RC3H1: variants seen among roughly 807,000 people sequenced by gnomAD.
The protein encoded by RC3H1 is roquin-1.
Under a neutral mutation model 138.2 loss-of-function variants are expected in RC3H1, and 50 were observed. That is an observed-to-expected ratio of 0.36 (90% CI 0.29 to 0.46). RC3H1 has a LOEUF of 0.46. RC3H1 is among the 20% of genes least tolerant of loss of function. The pLI is 1.00. For missense variants in RC3H1, 1,031 were observed against 1,388.1 expected (o/e 0.74, Z 4.09); for synonymous variants, 462 against 489.1 (o/e 0.94, Z 0.73).
At chr1:173,946,887 T>C in intron 15 of RC3H1, 51 bp from the exon 16 acceptor site, 1 of 1,257,422 alleles carries the variant, frequency 8.0e-7, no homozygotes, top group Non-Finnish European at 1.2e-6. Flanking sequence ...GATTCTTCTT[T>C]TAAGGTATTC....
intron 19 of RC3H1, among the ~76,000 whole-genome samples, chr1:173,939,528 C>CAAAA (rs61301994): frequency 1.1e-4 from 4 of 35,946 alleles, no homozygotes; most frequent in Non-Finnish European, 1.5e-4. Flanking sequence ...GAGATTTTAT[C>CAAAA]AAAAAAAAAA....
intron 13 of RC3H1, among the ~76,000 whole-genome samples, chr1:173,960,485 G>A (rs1406581573): frequency 6.6e-6 from 1 of 152,128 alleles, no homozygotes; most frequent in Non-Finnish European, 1.5e-5. Flanking sequence ...AATTCAGTGT[G>A]TATTTGATGA....
chr1:173,955,611 G>A (rs1020604448), intron 13 of RC3H1, among the ~76,000 whole-genome samples: 8 of 151,744 alleles, frequency 5.3e-5, no homozygotes, highest in African/African-American at 1.2e-4. Flanking sequence ...GAGCCACCGC[G>A]CCCGGCCAAT....
Position 173,983,548 on chromosome 1 carries a change from G to T in RC3H1, c.462C>A (p.Ala154=). 1 of 1,614,178 alleles carries T rather than the reference G, an allele frequency of 6.2e-7. No individual in the cohort carries two copies. The highest frequency in any genetic ancestry group is 8.5e-7 in the Non-Finnish European group (1 of 1,180,034). ...CACCTAAAGATCGAGCTGCCCTCAT[G>T]GCACGAATCCTGCCTTCTTCTTCTA... ...QLVEEEGRIR[A]MRAARSLGER... is the part of the protein sequence containing the mutation. The change falls in exon 4 of 20, where the codon GCC becomes GCA. Residue 154 remains alanine (A), a synonymous_variant. Coordinates refer to ENST00000367696, the MANE Select transcript of RC3H1 (RefSeq NM_172071.4).
intron 17 of RC3H1, among the ~76,000 whole-genome samples, chr1:173,945,815 C>T (rs555583678): frequency 6.6e-6 from 1 of 151,852 alleles, no homozygotes; most frequent in Non-Finnish European, 1.5e-5. Flanking sequence ...TCACACGATT[C>T]TCCTGCCTCA....
chr1:174,012,283 A>C (rs2103097493), intron 1 of RC3H1, among the ~76,000 whole-genome samples: 1 of 152,258 alleles, frequency 6.6e-6, no homozygotes, highest in African/African-American at 2.4e-5. Context: ...CATCGAGAGA[A>C]TCAGCTATTT....
chr1:173,999,392 AGAG>A lies in RC3H1; in HGVS notation c.-150-6260_-150-6258del, dbSNP rs760130100. Among the ~76,000 whole-genome samples the A allele has an allele frequency of 2.8e-4, 41 of 144,280 alleles. 3 individuals carry two copies. Among genetic ancestry groups the A allele is most frequent in the African/African-American group, 4.3e-4 (16 of 37,162 alleles). The allele number at this position is 144,280 out of a possible 152,430, so 94.7% of individuals were successfully genotyped here. A position where few individuals can be genotyped will look rare whatever the true frequency, so the allele number is the denominator to read the frequency against. On this transcript the variant is annotated intron_variant, in intron 1 of 19. Coordinates refer to ENST00000367696, the MANE Select transcript of RC3H1 (RefSeq NM_172071.4). ...CAAAACTCCACCAAAAAAAAAAAAAAGAGAGAGAGAGAAAGAAAGATATGAATT... is the reference window on the plus strand; with the variant it reads ...CAAAACTCCACCAAAAAAAAAAAAAAAGAGAGAGAAAGAAAGATATGAATT...
chr1:173,955,292 C>A (rs913383578), intron 13 of RC3H1, among the ~76,000 whole-genome samples: 3 of 142,414 alleles, frequency 2.1e-5, no homozygotes, highest in African/African-American at 8.0e-5. Context: ...ACAACAACAA[C>A]ATCACGTTTG....
At chr1:173,962,486 G>T (rs529036878) in intron 11 of RC3H1, among the ~76,000 whole-genome samples, 5 of 152,342 alleles carry the variant, frequency 3.3e-5, no homozygotes, top group Admixed American at 6.5e-5. Context: ...AGGAGACATG[G>T]AACACAAAAG....
At chr1:174,003,912 C>T (rs1247735859) in intron 1 of RC3H1, among the ~76,000 whole-genome samples, 1 of 151,776 alleles carries the variant, frequency 6.6e-6, no homozygotes, top group African/African-American at 2.4e-5. Context: ...CCGCCCACCT[C>T]GGCCTCCCAA....
Position 173,964,012 on chromosome 1 carries a change from C to G in RC3H1, c.1792G>C (p.Gly598Arg). The change falls in exon 11 of 20, where the codon GGA becomes CGA. Residue 598 changes from glycine to arginine, a missense_variant. By Grantham distance (125) the Gly-to-Arg change is moderately radical. Transcript: ENST00000367696. Reference protein sequence around the residue: ...QTDVYYQDPRGAAPPFEPAPY... With the variant: ...QTDVYYQDPRRAAPPFEPAPY... ...GCTGGTTCAAATGGCGGAGCTGCTC[C>G]TCGAGGATCCTGATAATAAACATCC... The G allele has an allele frequency of 6.2e-7, 1 of 1,614,122 alleles. No homozygotes were observed. The highest frequency in any genetic ancestry group is 1.1e-5 in the South Asian group (1 of 91,082).
At chr1:173,972,090 T>C (rs1037011321) in intron 8 of RC3H1, among the ~76,000 whole-genome samples, 3 of 152,120 alleles carry the variant, frequency 2.0e-5, no homozygotes, top group African/African-American at 7.2e-5. Context: ...TAAGAAAATC[T>C]ATAGAAATTT....
At chr1:173,999,077 C>A (rs1262818256) in intron 1 of RC3H1, among the ~76,000 whole-genome samples, 2 of 142,850 alleles carry the variant, frequency 1.4e-5, no homozygotes, top group Non-Finnish European at 1.5e-5. Context: ...CTGGGCAACA[C>A]AGAGAAACCC....
chr1:174,014,127 C>T (rs1056062835), intron 1 of RC3H1, among the ~76,000 whole-genome samples: 2 of 152,142 alleles, frequency 1.3e-5, no homozygotes, highest in Admixed American at 1.3e-4. Flanking sequence ...CTGCACGATT[C>T]TAGAATAGTG....
rs1040243540 is a variant in RC3H1 at position 173,996,487 on chromosome 1, T to C, written c.-150-3352A>G. 3.5e-4 allele frequency among the ~76,000 whole-genome samples: 54 copies of C among 152,200 alleles called. 1 individual carries two copies. The highest frequency in any genetic ancestry group is 1.3e-3 in the African/African-American group (52 of 41,424). On this transcript the variant is annotated intron_variant, in intron 1 of 19. Coordinates refer to ENST00000367696, the MANE Select transcript of RC3H1 (RefSeq NM_172071.4). ...CAACTTGAACAATCAGCCTGTTTTA[T>C]AGCCTCCTGCCTTGCAGCCTATTTT...
intron 9 of RC3H1, among the ~76,000 whole-genome samples, chr1:173,968,569 T>C (rs1436417786): frequency 1.3e-5 from 2 of 152,158 alleles, no homozygotes; most frequent in Non-Finnish European, 2.9e-5. Flanking sequence ...TCTTACTAAA[T>C]TCTCATTTCT....
chr1:173,965,580 A>G (rs1660079720), intron 9 of RC3H1, among the ~76,000 whole-genome samples: 1 of 132,184 alleles, frequency 7.6e-6, no homozygotes, highest in Non-Finnish European at 1.5e-5. Context: ...ACAGAGCGAG[A>G]TTCTGTCTCA....
chr1:173,976,637 G>T (rs1007478023), intron 7 of RC3H1, among the ~76,000 whole-genome samples: 1 of 152,086 alleles, frequency 6.6e-6, no homozygotes, highest in African/African-American at 2.4e-5. Flanking sequence ...TGAAGTGGTA[G>T]GTAGATGAGA....
intron 2 of RC3H1, among the ~76,000 whole-genome samples, chr1:173,990,900 C>T (rs1348614464): frequency 6.6e-6 from 1 of 152,140 alleles, no homozygotes; most frequent in Non-Finnish European, 1.5e-5. Context: ...CTGTGCCTGG[C>T]CTAAGAAAAC....
Sources: allele counts gnomAD v4.1 joint callset (sites outside exome capture counted in the v4.1 genomes callset), GRCh38; gene constraint gnomAD v4.1.1; transcripts MANE v1.5; gene names NCBI Gene and HGNC (gene_info 2026-07-23, HGNC 2026-07-21).